EYS: variants seen among roughly 807,000 people sequenced by gnomAD.
The protein encoded by EYS is EGF-like photoreceptor maintenance factor, also known as protein eyes shut homolog.
Under a neutral mutation model 282.1 loss-of-function variants are expected in EYS, and 250 were observed. The observed-to-expected ratio is 0.89, with a 90% CI of 0.80 to 0.98. EYS has a LOEUF of 0.98. Ranked by LOEUF, EYS falls within the 50% of genes least tolerant of loss-of-function variation. The probability of loss-of-function intolerance (pLI) is 0.00; values close to 1 mark genes in which losing one functional copy is unlikely to be tolerated. For missense variants in EYS, 4,016 were observed against 3,709.0 expected, an observed-to-expected ratio of 1.08 and a Z score of -2.15; for synonymous variants, 1,355 against 1,282.9, an observed-to-expected ratio of 1.06 and a Z score of -1.20.
intron 29 of EYS, among the ~76,000 whole-genome samples, chr6:64,335,662 G>A (rs1294603624): frequency 6.6e-6 from 1 of 151,940 alleles, no homozygotes; most frequent in Non-Finnish European, 1.5e-5. Context: ...GTCTTTGATT[G>A]TCCCGCAACA....
intron 33 of EYS, among the ~76,000 whole-genome samples, chr6:64,019,088 A>C (rs1396871496): frequency 6.6e-6 from 1 of 152,010 alleles, no homozygotes; most frequent in Non-Finnish European, 1.5e-5. Context: ...AAATGTTCTT[A>C]TAAGAGAGAA....
intron 8 of EYS, among the ~76,000 whole-genome samples, chr6:65,368,313 T>C (rs982635819): frequency 6.6e-6 from 1 of 151,604 alleles, no homozygotes; most frequent in Admixed American, 6.7e-5. Context: ...TTGTCCTAGA[T>C]CTATTAAGAT....
At chr6:64,819,286 A>G (rs1284680240) in intron 21 of EYS, among the ~76,000 whole-genome samples, 1 of 152,180 alleles carries the variant, frequency 6.6e-6, no homozygotes, top group Admixed American at 6.6e-5. Flanking sequence ...AATATCTAAG[A>G]TTTACAGAAT....
At chr6:64,199,360 T>C (rs1582416961) in intron 31 of EYS, among the ~76,000 whole-genome samples, 1 of 152,186 alleles carries the variant, frequency 6.6e-6, no homozygotes, top group Non-Finnish European at 1.5e-5. Context: ...TAAATGGTGT[T>C]GGGAAAACTG....
chr6:64,969,246 G>C (rs112368238), intron 14 of EYS, among the ~76,000 whole-genome samples: 2,375 of 152,234 alleles, frequency 0.016, 64 homozygotes, highest in African/African-American at 0.054. Flanking sequence ...GTTGCAGGTG[G>C]AGTGTGAATG....
rs139525668 is a variant in EYS at position 65,413,051 on chromosome 6, G to A, written c.863-7684C>T. On this transcript the variant is annotated intron_variant, in intron 5 of 42. Transcript: ENST00000503581. ...ATCCCATCACTTCTCAATTTCCCCA[G>A]AATCCCTGAATAAAAAGTCTGATAA... Among the ~76,000 whole-genome samples, 8 of 152,146 alleles carry A rather than the reference G, an allele frequency of 5.3e-5. No homozygotes were observed. The South Asian group carries it at 1.2e-3, about 24-fold the overall frequency.
intron 30 of EYS, among the ~76,000 whole-genome samples, chr6:64,295,413 A>AGG (rs1269351732): frequency 0.048 from 5 of 104 alleles, no homozygotes; most frequent in African/African-American, 0.12. Flanking sequence ...AAGGAGAGGA[A>AGG]AGAAGAAGAA....
At chr6:65,618,771 T>C (rs538248854) in intron 2 of EYS, among the ~76,000 whole-genome samples, 83 of 152,322 alleles carry the variant, frequency 5.4e-4, no homozygotes, top group African/African-American at 1.8e-3. Flanking sequence ...TTTCTACATA[T>C]GGCTAGCCAG....
At chr6:65,502,378 T>C (rs181599752) in intron 2 of EYS, among the ~76,000 whole-genome samples, 28 of 151,844 alleles carry the variant, frequency 1.8e-4, no homozygotes, top group Admixed American at 1.6e-3. Flanking sequence ...ATTAACTTTT[T>C]AAATACATAT....
intron 2 of EYS, among the ~76,000 whole-genome samples, chr6:65,567,931 C>G (rs1052840275): frequency 2.6e-5 from 4 of 152,070 alleles, no homozygotes; most frequent in Admixed American, 6.6e-5. Context: ...ACATGCTGAA[C>G]TGAAGATGAA....
intron 31 of EYS, among the ~76,000 whole-genome samples, chr6:64,185,479 C>T (rs776095963): frequency 2.0e-5 from 3 of 152,080 alleles, no homozygotes; most frequent in Non-Finnish European, 4.4e-5. Flanking sequence ...GTCCATCTGC[C>T]TTTTCTGTAA....
At chr6:63,985,549 G>A (rs550698058) in intron 34 of EYS, among the ~76,000 whole-genome samples, 5 of 151,798 alleles carry the variant, frequency 3.3e-5, no homozygotes, top group African/African-American at 1.2e-4. Context: ...TGTTGAAAAT[G>A]TTACCGTTTC....
At chr6:64,530,339 TAA>T (rs777194005) in intron 26 of EYS, among the ~76,000 whole-genome samples, 8 of 151,888 alleles carry the variant, frequency 5.3e-5, no homozygotes, top group Non-Finnish European at 8.8e-5. Flanking sequence ...TAATATAACT[TAA>T]GTCTAATAAA....
intron 2 of EYS, among the ~76,000 whole-genome samples, chr6:65,538,344 C>T (rs1333042438): frequency 1.3e-5 from 2 of 152,072 alleles, no homozygotes; most frequent in African/African-American, 4.8e-5. Context: ...AATTGAGAAT[C>T]TATATTTTAA....
intron 21 of EYS, among the ~76,000 whole-genome samples, chr6:64,817,472 T>C (rs937307869): frequency 6.6e-6 from 1 of 152,100 alleles, no homozygotes; most frequent in African/African-American, 2.4e-5. Context: ...GAAACACAAA[T>C]ACATGCACTC....
intron 26 of EYS, among the ~76,000 whole-genome samples, chr6:64,490,797 T>C (rs1007441302): frequency 2.0e-5 from 3 of 150,876 alleles, no homozygotes; most frequent in Admixed American, 6.6e-5. Flanking sequence ...CACAGACAAA[T>C]GGACAGTGCT....
intron 28 of EYS, among the ~76,000 whole-genome samples, chr6:64,422,836 A>T (rs1774279736): frequency 6.6e-6 from 1 of 152,134 alleles, no homozygotes; most frequent in Non-Finnish European, 1.5e-5. Flanking sequence ...CATTACTTTC[A>T]TTTGTAGTGT....
At chr6:64,546,066 C>A (rs1215059110) in intron 26 of EYS, among the ~76,000 whole-genome samples, 1 of 152,168 alleles carries the variant, frequency 6.6e-6, no homozygotes, top group Non-Finnish European at 1.5e-5. Context: ...ATTGCCAAGT[C>A]AATCCTAAGC....
chr6:65,686,230 T>C lies in EYS; in HGVS notation c.-448+20905A>G, dbSNP rs567733651. Reference sequence around the variant, plus strand: ...TATTTAGACTGTATCAGAGCCCATTTTCTCTGGCGTTCTTCCCGGCTCTTC... The same window carrying C: ...TATTTAGACTGTATCAGAGCCCATTCTCTCTGGCGTTCTTCCCGGCTCTTC... On this transcript the variant is annotated intron_variant, in intron 1 of 42. Transcript: ENST00000503581. Among the ~76,000 whole-genome samples the C allele has an allele frequency of 3.9e-5, 6 of 152,174 alleles. No homozygotes were observed. In the South Asian group the frequency reaches 1.0e-3, roughly 26 times the overall value.
Sources: gnomAD v4.1 joint callset for allele counts (sites outside exome capture counted in the v4.1 genomes callset) on GRCh38, gnomAD v4.1.1 for gene constraint, MANE v1.5 for transcripts, NCBI Gene and HGNC (gene_info 2026-07-23, HGNC 2026-07-21) for gene names.